The following IFT74 variants were observed in gnomAD, a reference collection of about 807,000 sequenced individuals.
IFT74 encodes intraflagellar transport protein 74 homolog.
A neutral mutation model predicts 96.7 loss-of-function variants in IFT74; 92 were observed. That is an observed-to-expected ratio of 0.95 (90% confidence interval 0.80 to 1.13). IFT74 has a LOEUF of 1.13. Among genes scored for constraint, IFT74 ranks in the 50% most tolerant of loss-of-function variants. The probability of loss-of-function intolerance (pLI) is 0.00; values close to 1 mark genes in which losing one functional copy is unlikely to be tolerated. For missense variants in IFT74, 811 were observed against 698.2 expected, an observed-to-expected ratio of 1.16 and a Z score of -1.82; for synonymous variants, 223 against 213.2, an observed-to-expected ratio of 1.05 and a Z score of -0.40.
chr9:26,997,791 A>G (rs1479397770), intron 8 of IFT74: 4 of 1,613,902 alleles, frequency 2.5e-6, no homozygotes, highest in East Asian at 2.2e-5. Flanking sequence ...GAGCAGTTCC[A>G]TAGGTTTCCA....
chr9:27,033,913 GT>G (rs1214234111), intron 13 of IFT74, among the ~76,000 whole-genome samples: 3 of 152,250 alleles, frequency 2.0e-5, no homozygotes, highest in Admixed American at 2.0e-4. Context: ...CTAGCCATAA[GT>G]TTTTTAGTTT....
chr9:26,949,296 G>A (rs923963089), intron 1 of IFT74, among the ~76,000 whole-genome samples: 1 of 152,132 alleles, frequency 6.6e-6, no homozygotes, highest in Non-Finnish European at 1.5e-5. Context: ...TTTCACACAT[G>A]AAGAATTTGC....
chr9:26,950,840 A>C (rs1245594943), intron 1 of IFT74, among the ~76,000 whole-genome samples: 1 of 152,272 alleles, frequency 6.6e-6, no homozygotes, highest in East Asian at 1.9e-4. Context: ...GAATTAATGA[A>C]TAACTGAAAT....
intron 4 of IFT74, among the ~76,000 whole-genome samples, chr9:26,982,937 A>G (rs1827453556): frequency 6.6e-6 from 1 of 152,080 alleles, no homozygotes; most frequent in African/African-American, 2.4e-5. Flanking sequence ...CTCTAAATCA[A>G]TGACTTTTTC....
At chr9:27,006,447 G>A (rs1054554151) in intron 8 of IFT74, among the ~76,000 whole-genome samples, 2 of 152,004 alleles carry the variant, frequency 1.3e-5, no homozygotes, top group Non-Finnish European at 2.9e-5. Flanking sequence ...AAAATAAAAA[G>A]TAAAAACATT....
chr9:27,056,524 T>C (rs1820166586), intron 18 of IFT74, 65 bp downstream of exon 18: 1 of 1,419,634 alleles, frequency 7.0e-7, no homozygotes, highest in Non-Finnish European at 9.5e-7. Context: ...AAACAATCAA[T>C]TTTTTATTTT....
At chr9:27,003,816 A>ATCACTTAT in intron 8 of IFT74, among the ~76,000 whole-genome samples, 1 of 152,342 alleles carries the variant, frequency 6.6e-6, no homozygotes, top group South Asian at 2.1e-4. Flanking sequence ...CATTTAAACT[A>ATCACTTAT]TCACTTATTC....
rs2131713828 is a variant in IFT74 at position 27,060,500 on chromosome 9, T to G, written c.1624-91T>G. ...AATGTAAGTTGATAAGATTTAAAGTTGGAGAGATTTTTTTTGTCTTATCCT... is the reference window on the plus strand; with the variant it reads ...AATGTAAGTTGATAAGATTTAAAGTGGGAGAGATTTTTTTTGTCTTATCCT... On this transcript the variant is annotated intron_variant, in intron 18 of 19. Transcript: ENST00000380062. 3 of 716,096 alleles carry G rather than the reference T, an allele frequency of 4.2e-6. 1 individual carries two copies. The South Asian group carries it at 7.0e-5, about 17-fold the overall frequency. 44.4% of individuals were successfully genotyped at this position (716,096 alleles called of 1,614,324 possible). A position where few individuals can be genotyped will look rare whatever the true frequency, so the allele number is the denominator to read the frequency against.
chr9:26,949,692 C>T (rs1038057040), intron 1 of IFT74, among the ~76,000 whole-genome samples: 1 of 152,100 alleles, frequency 6.6e-6, no homozygotes, highest in Non-Finnish European at 1.5e-5. Context: ...TTTCTCAAAT[C>T]CACCTCCAAG....
intron 8 of IFT74, chr9:26,995,827 A>G (rs1828124692): frequency 3.7e-6 from 6 of 1,603,492 alleles, no homozygotes; most frequent in Non-Finnish European, 5.1e-6. Context: ...GAAAAGCCCA[A>G]CTTTTTCCAA....
At chr9:26,947,188 C>G (rs781321765) in intron 1 of IFT74, 13 of 993,048 alleles carry the variant, frequency 1.3e-5, no homozygotes, top group South Asian at 7.5e-5. Flanking sequence ...AGAGCCGGTA[C>G]GGAAGGGCGG....
chr9:26,948,447 T>TA (rs1491453093), intron 1 of IFT74, among the ~76,000 whole-genome samples: 1 of 102,686 alleles, frequency 9.7e-6, no homozygotes, highest in African/African-American at 3.7e-5. Flanking sequence ...GGCTTTCCAT[T>TA]ATTTTTTTTT....
In IFT74 at chr9:26,962,006, T is replaced by C. The variant is rs899535197; in HGVS notation, c.39T>C (p.Val13=). 1.7e-5 allele frequency: 27 copies of C among 1,614,032 alleles called. No individual in the cohort carries two copies. The highest frequency in any genetic ancestry group is 2.3e-5 in the Non-Finnish European group (27 of 1,180,002). Residue 13 remains valine (V), a synonymous_variant, in exon 2 of 20, where the codon GTT becomes GTC. Transcript: ENST00000380062. ...ACAAATCTTCAGCAGCTCGCCCTGT[T>C]TCAAGAGGTGGAGTTGGGTTAACAG... ...SNHKSSAARP[V]SRGGVGLTGR...
chr9:27,029,410 C>A lies in IFT74; in HGVS notation c.1054+306C>A, dbSNP rs185196058. On this transcript the variant is annotated intron_variant, in intron 13 of 19. Coordinates refer to ENST00000380062, the MANE Select transcript of IFT74 (RefSeq NM_025103.4). Reference sequence around the variant, plus strand: ...AGAGATTCCTAAGTTATACTTCCTCCTAAGTTACACTTCCTTCCTAGTAAT... The same window carrying A: ...AGAGATTCCTAAGTTATACTTCCTCATAAGTTACACTTCCTTCCTAGTAAT... Among the ~76,000 whole-genome samples the A allele has an allele frequency of 2.1e-3, 325 of 152,192 alleles. No individual in the cohort carries two copies. The Middle Eastern group carries it at 0.024, about 11-fold the overall frequency.
chr9:27,020,287 C>G (rs1829537233), intron 12 of IFT74, among the ~76,000 whole-genome samples: 1 of 152,018 alleles, frequency 6.6e-6, no homozygotes, highest in Non-Finnish European at 1.5e-5. Flanking sequence ...ATCACAGTCT[C>G]TAGTATCAGC....
chr9:27,063,483 G>GA lies in IFT74; in HGVS notation c.*749dup, dbSNP rs894481767. On this transcript the variant is annotated 3_prime_UTR_variant, in exon 20 of 20. Transcript: ENST00000380062. The stretch of plus-strand genomic sequence containing the variant: ...TAGATTAATTTATAAACATTAGCCA[G>GA]AATATTTGGGGAAAAAAGCTAGAAG... Among the ~76,000 whole-genome samples the GA allele has an allele frequency of 4.6e-5, 7 of 152,060 alleles. No individual in the cohort carries two copies. Among genetic ancestry groups the GA allele is most frequent in the African/African-American group, 1.7e-4 (7 of 41,428 alleles).
At chr9:27,026,861 A>C (rs1489040756) in intron 12 of IFT74, among the ~76,000 whole-genome samples, 1 of 152,204 alleles carries the variant, frequency 6.6e-6, no homozygotes, top group Non-Finnish European at 1.5e-5. Flanking sequence ...AAGTGCCTAC[A>C]TCAAAAAGTC....
intron 2 of IFT74, among the ~76,000 whole-genome samples, chr9:26,962,582 A>G (rs1826413457): frequency 6.6e-6 from 1 of 152,252 alleles, no homozygotes; most frequent in Admixed American, 6.5e-5. Flanking sequence ...TCAATAGAAC[A>G]TTCCAATAAT....
intron 10 of IFT74, among the ~76,000 whole-genome samples, chr9:27,014,029 C>T (rs889815918): frequency 3.9e-5 from 6 of 152,116 alleles, no homozygotes; most frequent in African/African-American, 1.4e-4. Context: ...TCCTTGCTAA[C>T]GTGGTGAAAA....
Sources: allele counts gnomAD v4.1 joint callset (sites outside exome capture counted in the v4.1 genomes callset), GRCh38; gene constraint gnomAD v4.1.1; transcripts MANE v1.5; gene names NCBI Gene and HGNC (gene_info 2026-07-23, HGNC 2026-07-21).